Variants in NKAIN2 observed in about 807,000 individuals in gnomAD.
The protein encoded by NKAIN2 is sodium/potassium transporting ATPase interacting 2, also known as sodium/potassium-transporting ATPase subunit beta-1-interacting protein 2.
Under a neutral mutation model 32.6 loss-of-function variants are expected in NKAIN2, and 14 were observed. That is an observed-to-expected ratio of 0.43 (90% CI 0.28 to 0.67). The LOEUF is 0.67. NKAIN2 is among the 30% of genes least tolerant of loss of function. The pLI, the probability that NKAIN2 is intolerant of heterozygous loss-of-function variation, is 0.17. For missense variants in NKAIN2, 198 were observed against 258.3 expected, an observed-to-expected ratio of 0.77 and a Z score of 1.60; for synonymous variants, 80 against 87.2, an observed-to-expected ratio of 0.92 and a Z score of 0.46.
intron 1 of NKAIN2, among the ~76,000 whole-genome samples, chr6:124,060,166 C>T (rs1048744473): frequency 1.1e-4 from 17 of 152,116 alleles, no homozygotes; most frequent in African/African-American, 4.1e-4. Flanking sequence ...GGCTAATGGA[C>T]CAAGCATCAG....
intron 1 of NKAIN2, among the ~76,000 whole-genome samples, chr6:124,189,985 G>T (rs1789936353): frequency 1.3e-5 from 2 of 152,200 alleles, no homozygotes; most frequent in Admixed American, 1.3e-4. Flanking sequence ...TCAGAGGGCA[G>T]ATTTCCTAAA....
chr6:124,045,883 G>A (rs1482122557), intron 1 of NKAIN2, among the ~76,000 whole-genome samples: 1 of 151,984 alleles, frequency 6.6e-6, no homozygotes, highest in African/African-American at 2.4e-5. Context: ...GCATGTTTGA[G>A]TTTAAATTGA....
At chr6:124,348,561 G>T (rs1034804507) in intron 2 of NKAIN2, among the ~76,000 whole-genome samples, 1 of 152,170 alleles carries the variant, frequency 6.6e-6, no homozygotes, top group South Asian at 2.1e-4. Context: ...CCCCAGCCTC[G>T]CTGCTGCCTT....
chr6:123,920,117 CA>C (rs1775682510), intron 1 of NKAIN2, among the ~76,000 whole-genome samples: 1 of 151,816 alleles, frequency 6.6e-6, no homozygotes, highest in African/African-American at 2.4e-5. Flanking sequence ...AAGACAAAAT[CA>C]ATATGAAATA....
chr6:124,384,171 TC>T (rs1229595733), intron 3 of NKAIN2, among the ~76,000 whole-genome samples: 1 of 152,152 alleles, frequency 6.6e-6, no homozygotes, highest in African/African-American at 2.4e-5. Flanking sequence ...ATTATCTGTC[TC>T]CCCAGACCTG....
At chr6:124,241,957 A>G (rs913180538) in intron 1 of NKAIN2, among the ~76,000 whole-genome samples, 1 of 152,144 alleles carries the variant, frequency 6.6e-6, no homozygotes, top group Non-Finnish European at 1.5e-5. Flanking sequence ...CCCTAGAAGA[A>G]AACCTAGGCA....
At chr6:123,852,041 T>G (rs1019535407) in intron 1 of NKAIN2, among the ~76,000 whole-genome samples, 6 of 152,218 alleles carry the variant, frequency 3.9e-5, no homozygotes, top group Non-Finnish European at 7.3e-5. Flanking sequence ...ACCAGTGTCA[T>G]GAAGCTTTAG....
rs1056559897 is a variant in NKAIN2, at chr6:124,213,926, G to T, written c.55-69079G>T. Reference sequence around the variant, plus strand: ...GAAACTCGGCATTTTCAACAATAATGTGAGAAAATTTTTAGCTAATTTGGA... The same window carrying T: ...GAAACTCGGCATTTTCAACAATAATTTGAGAAAATTTTTAGCTAATTTGGA... On this transcript the variant is annotated intron_variant, in intron 1 of 6. Transcript: ENST00000368417. Among the ~76,000 whole-genome samples, 7 of 152,140 alleles carry T rather than the reference G, an allele frequency of 4.6e-5. No individual in the cohort carries two copies. The East Asian group carries it at 1.3e-3, about 29-fold the overall frequency.
chr6:124,063,591 G>A (rs1451738652), intron 1 of NKAIN2, among the ~76,000 whole-genome samples: 1 of 152,048 alleles, frequency 6.6e-6, no homozygotes, highest in Non-Finnish European at 1.5e-5. Flanking sequence ...GGCAAGCATG[G>A]TCATTTAGCT....
intron 4 of NKAIN2, among the ~76,000 whole-genome samples, chr6:124,772,785 C>T (rs948392202): frequency 7.9e-5 from 12 of 152,028 alleles, no homozygotes; most frequent in African/African-American, 2.2e-4. Flanking sequence ...GTTCTGTTAA[C>T]GAAAAAACTC....
At chr6:124,651,855 CT>C (rs1784380201) in intron 3 of NKAIN2, among the ~76,000 whole-genome samples, 1 of 152,148 alleles carries the variant, frequency 6.6e-6, no homozygotes, top group South Asian at 2.1e-4. Context: ...TAACACCTGT[CT>C]TTCTTCTAGC....
rs1783815294 is a variant in NKAIN2 at position 124,078,786 on chromosome 6, T to TG, written c.55-204219_55-204218insG. On this transcript the variant is annotated intron_variant, in intron 1 of 6. Coordinates refer to ENST00000368417, the MANE Select transcript of NKAIN2 (RefSeq NM_001040214.3). ...CAAGCCAAAAATGGCTATGTCGTTT[T>TG]TGTGTGTGTGTGTGTGTGTGTGTGT... Among the ~76,000 whole-genome samples, 1,168 of 144,716 alleles carry TG rather than the reference T, an allele frequency of 8.1e-3. 13 individuals carry two copies. Among genetic ancestry groups the TG allele is most frequent in the African/African-American group, 0.029 (1,119 of 39,060 alleles). The allele number at this position is 144,716 out of a possible 152,430, so 94.9% of individuals were successfully genotyped here. A position where few individuals can be genotyped will look rare whatever the true frequency, so the allele number is the denominator to read the frequency against.
chr6:124,497,937 A>T (rs901123740), intron 3 of NKAIN2, among the ~76,000 whole-genome samples: 5 of 152,018 alleles, frequency 3.3e-5, no homozygotes, highest in Non-Finnish European at 7.4e-5. Flanking sequence ...ATTTCACACT[A>T]AGGGAAACCT....
At chr6:124,464,250 A>C in intron 3 of NKAIN2, among the ~76,000 whole-genome samples, 1 of 152,028 alleles carries the variant, frequency 6.6e-6, no homozygotes, top group East Asian at 1.9e-4. Context: ...AGTCTCCCGA[A>C]GTGCTGGGAT....
intron 1 of NKAIN2, among the ~76,000 whole-genome samples, chr6:124,273,609 A>C (rs1328214293): frequency 6.6e-6 from 1 of 152,172 alleles, no homozygotes; most frequent in Non-Finnish European, 1.5e-5. Context: ...GATTCATCTC[A>C]TCATTGATTT....
In NKAIN2 at chr6:124,225,742, A is replaced by G. The variant is rs372115618; in HGVS notation, c.55-57263A>G. The stretch of plus-strand genomic sequence containing the variant: ...TATACCTATAAAAACATAAACCTCT[A>G]CAAGTTTGTAGAGTTTCCTTTTCCA... On this transcript the variant is annotated intron_variant, in intron 1 of 6. Transcript: ENST00000368417. 5.3e-5 allele frequency among the ~76,000 whole-genome samples: 8 copies of G among 152,164 alleles called. No individual in the cohort carries two copies. In the South Asian group the frequency reaches 1.0e-3, roughly 20 times the overall value.
At chr6:123,976,764 G>T (rs541090748) in intron 1 of NKAIN2, among the ~76,000 whole-genome samples, 9 of 152,116 alleles carry the variant, frequency 5.9e-5, no homozygotes, top group African/African-American at 1.9e-4. Flanking sequence ...AACTGAATTG[G>T]AAGCAAAATG....
intron 3 of NKAIN2, among the ~76,000 whole-genome samples, chr6:124,470,480 T>G (rs1412511771): frequency 6.6e-6 from 1 of 151,938 alleles, no homozygotes; most frequent in Non-Finnish European, 1.5e-5. Flanking sequence ...ATGAGTGAGG[T>G]GTCAGGAATA....
chr6:124,270,844 A>G (rs753248539), intron 1 of NKAIN2, among the ~76,000 whole-genome samples: 1 of 152,166 alleles, frequency 6.6e-6, no homozygotes, highest in Admixed American at 6.5e-5. Context: ...GAACATATAG[A>G]TCCATGGAAA....
Sources: allele counts gnomAD v4.1 joint callset (sites outside exome capture counted in the v4.1 genomes callset), GRCh38; gene constraint gnomAD v4.1.1; transcripts MANE v1.5; gene names NCBI Gene and HGNC (gene_info 2026-07-23, HGNC 2026-07-21).